The following LARGE1 variants were observed in gnomAD, a reference collection of about 807,000 sequenced individuals.
LARGE1 encodes LARGE xylosyl- and glucuronyltransferase 1.
In LARGE1, 43 loss-of-function variants were observed where a neutral mutation model predicts 87.6. The ratio of observed to expected loss-of-function variants is 0.49; its 90% CI spans 0.38 to 0.63. The LOEUF (loss-of-function observed/expected upper bound fraction) is 0.63. Ranked by LOEUF, LARGE1 falls within the 30% of genes least tolerant of loss-of-function variation. LARGE1 has a pLI of 0.00. For missense variants in LARGE1, 802 were observed against 1,000.2 expected (o/e 0.80, Z 2.67); for synonymous variants, 434 against 394.6 (o/e 1.10, Z -1.18).
At chr22:33,670,569 C>T (rs1045119681) in intron 2 of LARGE1, among the ~76,000 whole-genome samples, 4 of 152,148 alleles carry the variant, frequency 2.6e-5, no homozygotes, top group Non-Finnish European at 4.4e-5. Context: ...AGAAGTGCAG[C>T]AATTCTCAGC....
At chr22:33,836,699 C>G (rs2063117518) in intron 1 of LARGE1, among the ~76,000 whole-genome samples, 1 of 152,022 alleles carries the variant, frequency 6.6e-6, no homozygotes, top group African/African-American at 2.4e-5. Flanking sequence ...TCAGTCCTCT[C>G]ATTTCCTAGC....
Position 33,705,312 on chromosome 22 carries a change from T to C in LARGE1, c.107-54644A>G, listed in dbSNP as rs561916861. Among the ~76,000 whole-genome samples the C allele has an allele frequency of 9.2e-5, 14 of 152,302 alleles. 1 individual carries two copies. In the South Asian group the frequency reaches 2.5e-3, roughly 27 times the overall value. ...CTTCCATCTTTTCTTTTAGAGTCTA[T>C]ATTTGGAGACAGTATTTCCCTGAAA... On this transcript the variant is annotated intron_variant, in intron 2 of 14. Coordinates refer to ENST00000397394, the MANE Select transcript of LARGE1 (RefSeq NM_133642.5).
At chr22:33,156,336 A>C in the LARGE1 span, among the ~76,000 whole-genome samples, 13 of 152,238 alleles carry the variant, frequency 8.5e-5, no homozygotes, top group South Asian at 1.7e-3. Flanking sequence ...CAGAATGGGG[A>C]AAGGGGGCTA....
chr22:33,410,555 T>C (rs2066273235), intron 7 of LARGE1, among the ~76,000 whole-genome samples: 2 of 152,052 alleles, frequency 1.3e-5, no homozygotes, highest in Admixed American at 6.6e-5. Flanking sequence ...GTGAAGAAGA[T>C]CCTTGCTTCC....
chr22:33,415,376 G>A (rs1030576535), intron 7 of LARGE1, among the ~76,000 whole-genome samples: 1 of 152,220 alleles, frequency 6.6e-6, no homozygotes, highest in Non-Finnish European at 1.5e-5. Flanking sequence ...CTCAGAGTGA[G>A]AGAAGCTGGG....
At chr22:33,135,892 A>G in the LARGE1 span, among the ~76,000 whole-genome samples, 1 of 152,182 alleles carries the variant, frequency 6.6e-6, no homozygotes, top group African/African-American at 2.4e-5. Context: ...GTGAGAAGCC[A>G]ACAGAAATAA....
chr22:33,916,578 C>T (rs529561337), intron 1 of LARGE1, among the ~76,000 whole-genome samples: 1 of 152,334 alleles, frequency 6.6e-6, no homozygotes, highest in East Asian at 1.9e-4. Flanking sequence ...CAACACTAAG[C>T]AGATTTTCCA....
rs149538477 is a variant in LARGE1, at chr22:33,424,179, G to A, written c.892+7982C>T. Among the ~76,000 whole-genome samples the A allele has an allele frequency of 2.8e-4, 42 of 152,294 alleles. 1 individual carries two copies. Among genetic ancestry groups the A allele is most frequent in the African/African-American group, 9.6e-4 (40 of 41,558 alleles). ...TGAGATTCACTTTCTCTGGGGGCAG[G>A]GCCCTGAGGTTGACATTTTAAACAG... On this transcript the variant is annotated intron_variant, in intron 7 of 14. Coordinates refer to ENST00000397394, the MANE Select transcript of LARGE1 (RefSeq NM_133642.5).
At chr22:33,355,746 G>C (rs1402680111) in intron 9 of LARGE1, among the ~76,000 whole-genome samples, 1 of 59,294 alleles carries the variant, frequency 1.7e-5, no homozygotes. Context: ...GAGGCTCTCA[G>C]TTAGTGGCTC....
chr22:33,432,110 G>T, intron 7 of LARGE1, 51 bp downstream of exon 7: 1 of 1,408,290 alleles, frequency 7.1e-7, no homozygotes, highest in Non-Finnish European at 1.0e-6. Flanking sequence ...AGGAGCACTG[G>T]GTCCTCATAT....
chr22:33,261,207 A>T (rs1229033156), intron 11 of LARGE1, among the ~76,000 whole-genome samples: 1 of 152,188 alleles, frequency 6.6e-6, no homozygotes, highest in Non-Finnish European at 1.5e-5. Flanking sequence ...TGAAGAGAGG[A>T]GGGTGGTGGA....
Position 33,784,201 on chromosome 22 carries a change from G to A in LARGE1, c.-82-22643C>T, listed in dbSNP as rs558148765. Among the ~76,000 whole-genome samples, 7 of 152,218 alleles carry A rather than the reference G, an allele frequency of 4.6e-5. No homozygotes were observed. In the South Asian group the frequency reaches 1.5e-3, roughly 32 times the overall value. ...CTAATGAATAAACCAATAACATTAC[G>A]ACTTGCAGTAGTATTTTCTATCATA... On this transcript the variant is annotated intron_variant, in intron 1 of 14. Transcript: ENST00000397394.
intron 1 of LARGE1, among the ~76,000 whole-genome samples, chr22:33,815,569 G>T (rs2267293): frequency 0.19 from 29,364 of 152,176 alleles, 3,406 homozygotes; most frequent in Admixed American, 0.33. Flanking sequence ...AACCAGAAAG[G>T]ACTCTTCAGC....
downstream of LARGE1, among the ~76,000 whole-genome samples, chr22:33,161,883 T>C (rs1922038383): frequency 6.6e-6 from 1 of 152,226 alleles, no homozygotes; most frequent in African/African-American, 2.4e-5. Context: ...GCTTCCAGTC[T>C]GTTTGCTAAA....
intron 1 of LARGE1, among the ~76,000 whole-genome samples, chr22:33,853,021 A>C (rs2063655269): frequency 6.6e-6 from 1 of 152,164 alleles, no homozygotes; most frequent in Non-Finnish European, 1.5e-5. Context: ...ATGAAACTGA[A>C]ACATGAGAAA....
intron 6 of LARGE1, among the ~76,000 whole-genome samples, chr22:33,484,800 C>G (rs986621272): frequency 6.6e-6 from 1 of 152,122 alleles, no homozygotes; most frequent in Admixed American, 6.5e-5. Context: ...TCTGACCTCT[C>G]TTACCCATTC....
the LARGE1 span, among the ~76,000 whole-genome samples, chr22:33,141,169 ATCTC>A: frequency 1.0e-2 from 1,433 of 143,718 alleles, 24 homozygotes; most frequent in Admixed American, 0.049. Context: ...TATTCTCAGA[ATCTC>A]TCTCTCTCTC....
chr22:33,194,973 C>A (rs571793392), intron 11 of LARGE1, among the ~76,000 whole-genome samples: 125 of 152,242 alleles, frequency 8.2e-4, no homozygotes, highest in Non-Finnish European at 1.5e-3. Context: ...CCTGTCAACA[C>A]CCTAAAGTTG....
intron 1 of LARGE1, among the ~76,000 whole-genome samples, chr22:33,885,083 T>C (rs1306580539): frequency 2.0e-5 from 3 of 152,244 alleles, no homozygotes; most frequent in Admixed American, 6.5e-5. Flanking sequence ...ACCATTATCA[T>C]CCTCGTTTTG....
Sources: allele counts gnomAD v4.1 joint callset (sites outside exome capture counted in the v4.1 genomes callset), GRCh38; gene constraint gnomAD v4.1.1; transcripts MANE v1.5; gene names NCBI Gene and HGNC (gene_info 2026-07-23, HGNC 2026-07-21).